CALN1: variants seen among roughly 807,000 people sequenced by gnomAD.
CALN1 encodes calneuron 1.
Under a neutral mutation model 30.6 loss-of-function variants are expected in CALN1, and 17 were observed. The ratio of observed to expected loss-of-function variants is 0.56; its 90% confidence interval spans 0.38 to 0.83. The LOEUF is 0.83. Among genes scored for constraint, CALN1 ranks in the 40% least tolerant of loss-of-function variants. The pLI, the probability that CALN1 is intolerant of heterozygous loss-of-function variation, is 0.00. For missense variants in CALN1, 291 were observed against 354.9 expected, an observed-to-expected ratio of 0.82 and a Z score of 1.45; for synonymous variants, 156 against 131.4, an observed-to-expected ratio of 1.19 and a Z score of -1.28.
At chr7:72,046,543 C>T (rs1010791352) in intron 4 of CALN1, among the ~76,000 whole-genome samples, 2 of 151,800 alleles carry the variant, frequency 1.3e-5, no homozygotes, top group African/African-American at 4.8e-5. Context: ...GAAACCCCGT[C>T]TCTACTAAAA....
At chr7:72,223,957 G>A (rs889438318) in intron 3 of CALN1, among the ~76,000 whole-genome samples, 2 of 152,138 alleles carry the variant, frequency 1.3e-5, no homozygotes, top group African/African-American at 2.4e-5. Context: ...TTGGGTACAC[G>A]CAGACATGAA....
chr7:71,949,607 T>G (rs1796585924), intron 5 of CALN1, among the ~76,000 whole-genome samples: 1 of 151,982 alleles, frequency 6.6e-6, no homozygotes, highest in Non-Finnish European at 1.5e-5. Flanking sequence ...CTCGAACTCC[T>G]GACCTCAAGT....
At chr7:72,437,728 TC>T (rs377089329) in intron 1 of CALN1, among the ~76,000 whole-genome samples, 99 of 136,788 alleles carry the variant, frequency 7.2e-4, no homozygotes, top group African/African-American at 2.5e-3. Context: ...CTTCTTTCCT[TC>T]CCCCCTCCCA....
the CALN1 span, among the ~76,000 whole-genome samples, chr7:72,464,104 GAGAAGA>G: frequency 6.6e-5 from 10 of 151,072 alleles, no homozygotes; most frequent in African/African-American, 2.4e-4. Context: ...AAGAAAGAGA[GAGAAGA>G]AAGAAAGGAG....
intron 6 of CALN1, among the ~76,000 whole-genome samples, chr7:71,804,804 A>G (rs1304888246): frequency 6.6e-6 from 1 of 152,168 alleles, no homozygotes; most frequent in Non-Finnish European, 1.5e-5. Context: ...TCTACTAAAA[A>G]TACAAAAATT....
intron 2 of CALN1, among the ~76,000 whole-genome samples, chr7:72,305,067 C>CA (rs910562464): frequency 3.3e-5 from 5 of 152,188 alleles, no homozygotes; most frequent in African/African-American, 1.2e-4. Flanking sequence ...GTCTGCAGCC[C>CA]AGGCCTCCAA....
chr7:72,154,693 G>C (rs1435362428), intron 3 of CALN1, among the ~76,000 whole-genome samples: 3 of 152,092 alleles, frequency 2.0e-5, no homozygotes, highest in Non-Finnish European at 4.4e-5. Context: ...GAGGTTATGG[G>C]GTTAACTAAG....
At chr7:71,886,793 T>A (rs951704609) in intron 5 of CALN1, among the ~76,000 whole-genome samples, 49 of 137,594 alleles carry the variant, frequency 3.6e-4, no homozygotes, top group Admixed American at 1.5e-3. Flanking sequence ...AAAAAAAAAA[T>A]ATTGCATGCC....
chr7:72,481,633 G>A, the CALN1 span, among the ~76,000 whole-genome samples: 1 of 152,146 alleles, frequency 6.6e-6, no homozygotes, highest in Non-Finnish European at 1.5e-5. Context: ...TTCATGGCAT[G>A]CAACACATTT....
Position 72,020,936 on chromosome 7 carries a change from A to G in CALN1, c.501+2721T>C, listed in dbSNP as rs1164837101. Among the ~76,000 whole-genome samples, 3 of 152,110 alleles carry G rather than the reference A, an allele frequency of 2.0e-5. No homozygotes were observed. In the East Asian group the frequency reaches 5.8e-4, roughly 29 times the overall value. ...CTTAGAACTCACAAGGCCTTGGAAC[A>G]TTCTCCTTAGTTGGCCCTAAGGATG... On this transcript the variant is annotated intron_variant, in intron 5 of 6. Transcript: ENST00000395275.
chr7:72,127,431 G>T (rs1302983045), intron 3 of CALN1, among the ~76,000 whole-genome samples: 2 of 152,178 alleles, frequency 1.3e-5, no homozygotes, highest in East Asian at 3.9e-4. Flanking sequence ...GCTCTGGCAG[G>T]TTACAGAGCA....
chr7:72,231,422 C>T (rs1169334855), intron 3 of CALN1, among the ~76,000 whole-genome samples: 9 of 152,262 alleles, frequency 5.9e-5, no homozygotes, highest in African/African-American at 1.4e-4. Context: ...CTGAGGATAA[C>T]GGCTTCCAGC....
At chr7:72,498,541 GAA>G in the CALN1 span, among the ~76,000 whole-genome samples, 1 of 151,956 alleles carries the variant, frequency 6.6e-6, no homozygotes, top group Admixed American at 6.6e-5. Context: ...AGTATAAAAA[GAA>G]AAAACTGTCA....
At chr7:72,416,128 AGGG>A, upstream of CALN1, among the ~76,000 whole-genome samples, 1 of 152,360 alleles carries the variant, frequency 6.6e-6, no homozygotes, top group East Asian at 1.9e-4. Flanking sequence ...TGGCTAAAAT[AGGG>A]AAGAGGCCCT....
chr7:72,150,883 T>TGATGATGATGAC (rs1787187093), intron 3 of CALN1, among the ~76,000 whole-genome samples: 1 of 151,804 alleles, frequency 6.6e-6, no homozygotes, highest in Non-Finnish European at 1.5e-5. Context: ...ATGATGATGA[T>TGATGATGATGAC]GATGATGATG....
At chr7:72,359,933 C>A (rs1189914324) in intron 2 of CALN1, among the ~76,000 whole-genome samples, 1 of 134,770 alleles carries the variant, frequency 7.4e-6, no homozygotes, top group Non-Finnish European at 1.5e-5. Context: ...GCCAAAATCA[C>A]GCCACTGCAC....
At chr7:72,232,457 A>T (rs189384610) in intron 3 of CALN1, among the ~76,000 whole-genome samples, 27 of 151,918 alleles carry the variant, frequency 1.8e-4, no homozygotes, top group East Asian at 7.8e-4. Context: ...TTTCAAAAAA[A>T]TTTTTTTTTA....
At chr7:72,334,420 C>T (rs898000348) in intron 2 of CALN1, among the ~76,000 whole-genome samples, 3 of 152,162 alleles carry the variant, frequency 2.0e-5, no homozygotes, top group Admixed American at 6.5e-5. Context: ...CTAAATGCGA[C>T]CCCAGCCCTG....
intron 4 of CALN1, among the ~76,000 whole-genome samples, chr7:72,049,812 T>C (rs1345701929): frequency 9.5e-6 from 1 of 105,658 alleles, no homozygotes; most frequent in Non-Finnish European, 2.3e-5. Context: ...CAAGTCTATT[T>C]CTTTTTTTTT....
Sources: allele counts gnomAD v4.1 joint callset (sites outside exome capture counted in the v4.1 genomes callset), GRCh38; gene constraint gnomAD v4.1.1; transcripts MANE v1.5; gene names NCBI Gene and HGNC (gene_info 2026-07-23, HGNC 2026-07-21).